Variants in CADPS2 observed in about 807,000 individuals in gnomAD.
CADPS2 encodes the protein calcium-dependent secretion activator 2.
A neutral mutation model predicts 172.5 loss-of-function variants in CADPS2; 93 were observed. The observed-to-expected ratio is 0.54, with a 90% CI of 0.46 to 0.64. The LOEUF is 0.64. Ranked by LOEUF, CADPS2 falls within the 30% of genes least tolerant of loss-of-function variation. CADPS2 has a pLI of 0.00. For synonymous variants in CADPS2, 546 were observed against 555.2 expected (o/e 0.98, Z 0.23); for missense variants, 1,420 against 1,565.9 (o/e 0.91, Z 1.57).
intron 1 of CADPS2, among the ~76,000 whole-genome samples, chr7:122,854,015 C>T (rs962251292): frequency 2.0e-5 from 3 of 152,160 alleles, no homozygotes; most frequent in Non-Finnish European, 4.4e-5. Context: ...TTAACACCAA[C>T]AGACTCCAGG....
intron 1 of CADPS2, among the ~76,000 whole-genome samples, chr7:122,739,905 C>A (rs1562906082): frequency 6.6e-6 from 1 of 152,082 alleles, no homozygotes; most frequent in Non-Finnish European, 1.5e-5. Context: ...CAGAAATGTA[C>A]TATAAAACAC....
chr7:122,801,078 A>C (rs868537231), intron 1 of CADPS2, among the ~76,000 whole-genome samples: 1 of 152,184 alleles, frequency 6.6e-6, no homozygotes, highest in Non-Finnish European at 1.5e-5. Flanking sequence ...GAGAAAATTA[A>C]AATGAAAATT....
At chr7:122,347,415 A>T (rs910030588) in intron 27 of CADPS2, among the ~76,000 whole-genome samples, 5 of 152,136 alleles carry the variant, frequency 3.3e-5, no homozygotes, top group African/African-American at 1.2e-4. Flanking sequence ...TTTGTTACAA[A>T]GTTATTTCTG....
chr7:122,669,187 C>T (rs774656394), intron 2 of CADPS2, among the ~76,000 whole-genome samples: 5 of 151,892 alleles, frequency 3.3e-5, no homozygotes, highest in South Asian at 2.1e-4. Flanking sequence ...AAAAATTAGC[C>T]GGGTGTAGTG....
At chr7:122,733,187 A>G (rs1006660553) in intron 2 of CADPS2, among the ~76,000 whole-genome samples, 1 of 151,986 alleles carries the variant, frequency 6.6e-6, no homozygotes, top group East Asian at 1.9e-4. Flanking sequence ...AAGGAAACAC[A>G]AAATCATGAA....
intron 24 of CADPS2, among the ~76,000 whole-genome samples, chr7:122,386,097 T>C (rs1197243413): frequency 6.6e-6 from 1 of 152,116 alleles, no homozygotes; most frequent in Non-Finnish European, 1.5e-5. Flanking sequence ...AAGGTATAAG[T>C]ATTTAGTGTT....
intron 8 of CADPS2, among the ~76,000 whole-genome samples, chr7:122,527,552 A>C (rs2061339603): frequency 6.7e-6 from 1 of 149,102 alleles, no homozygotes; most frequent in Non-Finnish European, 1.5e-5. Flanking sequence ...ACAAAACATC[A>C]CCTTTAATAC....
At chr7:122,394,308 T>C (rs1216222392) in intron 20 of CADPS2, among the ~76,000 whole-genome samples, 1 of 152,164 alleles carries the variant, frequency 6.6e-6, no homozygotes, top group East Asian at 1.9e-4. Context: ...CGATGAATGT[T>C]TTCTATGCAG....
At position 122,527,582 on chromosome 7, in the gene CADPS2, T is replaced by TAGAGAGAGAGAGAGAG. The variant is rs35881192; in HGVS notation, c.1476-14283_1476-14268dup. ...TAATACTGGTAAAGATAATACTGAA[T>TAGAGAGAGAGAGAGAG]AGAGAGAGAGAGAGAGAGAGAGAGA... On this transcript the variant is annotated intron_variant, in intron 8 of 29. Coordinates refer to ENST00000449022, the MANE Select transcript of CADPS2 (RefSeq NM_017954.11). Among the ~76,000 whole-genome samples, 18 of 91,744 alleles carry TAGAGAGAGAGAGAGAG rather than the reference T, an allele frequency of 2.0e-4. 1 individual carries two copies. The highest frequency in any genetic ancestry group is 3.3e-4 in the Admixed American group (3 of 9,188). The allele number at this position is 91,744 out of a possible 152,430, so 60.2% of individuals were successfully genotyped here.
chr7:122,496,504 T>A (rs920360227), intron 9 of CADPS2, among the ~76,000 whole-genome samples: 15 of 152,190 alleles, frequency 9.9e-5, no homozygotes, highest in African/African-American at 3.1e-4. Context: ...TATTCATTTT[T>A]AATTCATTTT....
chr7:122,685,021 T>C (rs148563691), intron 2 of CADPS2, among the ~76,000 whole-genome samples: 17 of 152,356 alleles, frequency 1.1e-4, no homozygotes, highest in African/African-American at 3.8e-4. Flanking sequence ...ATTTGTTGAA[T>C]AGATTTTATA....
chr7:122,658,550 C>G (rs1436448953), intron 3 of CADPS2, among the ~76,000 whole-genome samples: 1 of 152,162 alleles, frequency 6.6e-6, no homozygotes, highest in East Asian at 1.9e-4. Flanking sequence ...AAATACTATG[C>G]AGCCGTAAAA....
chr7:122,836,826 A>G (rs567277503), intron 1 of CADPS2, among the ~76,000 whole-genome samples: 1 of 152,132 alleles, frequency 6.6e-6, no homozygotes, highest in African/African-American at 2.4e-5. Flanking sequence ...CACAATAATA[A>G]TGGGAGACTT....
chr7:122,635,106 A>G (rs552394973), intron 3 of CADPS2, among the ~76,000 whole-genome samples: 3 of 152,156 alleles, frequency 2.0e-5, no homozygotes, highest in Non-Finnish European at 4.4e-5. Flanking sequence ...TGTGCAGATG[A>G]GAAGAATGTA....
chr7:122,349,526 G>T (rs572033816), intron 27 of CADPS2, among the ~76,000 whole-genome samples: 1 of 151,990 alleles, frequency 6.6e-6, no homozygotes, highest in Non-Finnish European at 1.5e-5. Context: ...AATCTGTCTA[G>T]CAAAGTTATA....
intron 6 of CADPS2, among the ~76,000 whole-genome samples, chr7:122,593,195 A>G (rs972016438): frequency 5.9e-5 from 9 of 152,032 alleles, no homozygotes; most frequent in African/African-American, 1.9e-4. Context: ...CTATATTTTC[A>G]ACAAAACAAA....
At chr7:122,794,104 G>A (rs1484074009) in intron 1 of CADPS2, among the ~76,000 whole-genome samples, 1 of 151,896 alleles carries the variant, frequency 6.6e-6, no homozygotes, top group Non-Finnish European at 1.5e-5. Context: ...CATGTCTTGT[G>A]GATGATCTTC....
chr7:122,727,883 A>C (rs1054215671), intron 2 of CADPS2, among the ~76,000 whole-genome samples: 1 of 151,962 alleles, frequency 6.6e-6, no homozygotes, highest in African/African-American at 2.4e-5. Flanking sequence ...TTAATATCAA[A>C]AACAGCAAAT....
Position 122,621,601 on chromosome 7 carries a change from AC to A in CADPS2, c.983del (p.Gly328ValfsTer10). On this transcript the variant is annotated frameshift_variant, in exon 5 of 30. Transcript: ENST00000449022. LOFTEE classifies it high-confidence loss of function. ...ANLESLPVSK[G>X]GPEFKLQKLK... ...ATTTTTGTAATTTAAATTCCGGACC[AC>A]CTTTCGAAACTGGAAGACTTTCCAA... The A allele has an allele frequency of 6.2e-7, 1 of 1,613,754 alleles. No individual in the cohort carries two copies. The highest frequency in any genetic ancestry group is 8.5e-7 in the Non-Finnish European group (1 of 1,179,734).
Sources: gnomAD v4.1 joint callset for allele counts (sites outside exome capture counted in the v4.1 genomes callset) on GRCh38, gnomAD v4.1.1 for gene constraint, MANE v1.5 for transcripts, NCBI Gene and HGNC (gene_info 2026-07-23, HGNC 2026-07-21) for gene names.